Variants in ATRX observed in about 807,000 individuals in gnomAD.
The protein encoded by ATRX is ATRX chromatin remodeler.
A neutral mutation model predicts 172.6 loss-of-function variants in ATRX; 12 were observed. The ratio of observed to expected loss-of-function variants is 0.07; its 90% CI spans 0.04 to 0.11. The LOEUF (loss-of-function observed/expected upper bound fraction) is 0.11. Among genes scored for constraint, ATRX ranks in the 10% least tolerant of loss-of-function variants. ATRX has a pLI of 1.00. For synonymous variants in ATRX, 674 were observed against 594.7 expected (o/e 1.13, Z -1.94); for missense variants, 1,368 against 1,767.4 (o/e 0.77, Z 4.05).
intron 27 of ATRX, among the ~76,000 whole-genome samples, chrX:77,579,364 C>G (rs2148040468): frequency 8.9e-6 from 1 of 111,944 alleles, no homozygotes; most frequent in East Asian, 2.8e-4. Flanking sequence ...GGCTTAAGAT[C>G]TGACCAAGTG....
At chrX:77,649,394 G>A (rs1352832819) in intron 15 of ATRX, among the ~76,000 whole-genome samples, 4 of 111,514 alleles carry the variant, frequency 3.6e-5, no homozygotes, top group African/African-American at 1.3e-4. Context: ...AGATTGGAAT[G>A]GAATTAGCAA....
intron 1 of ATRX, among the ~76,000 whole-genome samples, chrX:77,782,457 A>G (rs1481458008): frequency 8.9e-6 from 1 of 112,585 alleles, no homozygotes; most frequent in Non-Finnish European, 1.9e-5. Context: ...TTTATATGCA[A>G]ATAAATTAAG....
intron 2 of ATRX, among the ~76,000 whole-genome samples, chrX:77,712,320 G>T (rs2073151167): frequency 8.9e-6 from 1 of 112,184 alleles, no homozygotes; most frequent in East Asian, 2.8e-4. Context: ...ATTGGTATTT[G>T]TGAGTGACAT....
chrX:77,671,293 TA>T (rs782547152), intron 10 of ATRX, among the ~76,000 whole-genome samples: 4 of 102,679 alleles, frequency 3.9e-5, no homozygotes, highest in South Asian at 8.9e-4. Context: ...TGGTTTGAAA[TA>T]TTTTTTTTTA....
chrX:77,622,128 G>A (rs905888750), intron 19 of ATRX, among the ~76,000 whole-genome samples: 3 of 111,673 alleles, frequency 2.7e-5, no homozygotes, highest in East Asian at 2.8e-4. Flanking sequence ...TGCAAAATGT[G>A]TAAACCCTTT....
intron 9 of ATRX, among the ~76,000 whole-genome samples, chrX:77,677,097 G>A (rs1557134007): frequency 9.3e-6 from 1 of 107,409 alleles, no homozygotes; most frequent in Non-Finnish European, 1.9e-5. Flanking sequence ...ACTCCAGCCT[G>A]GGTAACAACT....
chrX:77,526,801 T>G (rs1330796638), intron 30 of ATRX, among the ~76,000 whole-genome samples: 2 of 112,045 alleles, frequency 1.8e-5, no homozygotes, highest in Non-Finnish European at 3.8e-5. Flanking sequence ...ACGCCATTTC[T>G]AAACCCCTTT....
chrX:77,545,121 C>G (rs1018736172), intron 30 of ATRX, among the ~76,000 whole-genome samples: 2 of 112,514 alleles, frequency 1.8e-5, no homozygotes, highest in Non-Finnish European at 3.7e-5. Flanking sequence ...ACTTAGCCAT[C>G]TGTAGATTTG....
chrX:77,737,185 G>T (rs1421715391), intron 1 of ATRX, among the ~76,000 whole-genome samples: 2 of 110,698 alleles, frequency 1.8e-5, no homozygotes, highest in Non-Finnish European at 3.8e-5. Context: ...AGCACTTTAG[G>T]AGGCCGCGGC....
intron 1 of ATRX, among the ~76,000 whole-genome samples, chrX:77,722,656 G>A (rs1012102843): frequency 1.8e-5 from 2 of 111,652 alleles, no homozygotes; most frequent in South Asian, 3.7e-4. Context: ...ACCTCACGCC[G>A]GTTAGAATGG....
At chrX:77,669,616 G>A (rs186637763) in intron 10 of ATRX, among the ~76,000 whole-genome samples, 39 of 110,271 alleles carry the variant, frequency 3.5e-4, no homozygotes, top group South Asian at 1.5e-3. Context: ...GAGCCACCGC[G>A]CTGACCCCCA....
intron 1 of ATRX, among the ~76,000 whole-genome samples, chrX:77,766,661 A>G (rs1433920218): frequency 2.2e-5 from 2 of 91,555 alleles, no homozygotes; most frequent in East Asian, 3.8e-4. Context: ...CCTAGATGGG[A>G]TGGCGGCCGG....
intron 30 of ATRX, 126 bp from the exon 31 acceptor site, chrX:77,523,527 A>G: frequency 1.5e-6 from 1 of 669,798 alleles, no homozygotes; most frequent in Non-Finnish European, 2.2e-6. Flanking sequence ...TCTGATATAT[A>G]TGACAGATTA....
Position 77,627,090 on chromosome X carries a change from A to G in ATRX, c.5134+6117T>C, listed in dbSNP as rs376369730. On this transcript the variant is annotated intron_variant, in intron 19 of 34. Transcript: ENST00000373344. ...AAAATACAAGAAAAAAAAATTAGCCAGGCGTGGTGGCAGGCGCCTGTAGTC... is the reference window on the plus strand; with the variant it reads ...AAAATACAAGAAAAAAAAATTAGCCGGGCGTGGTGGCAGGCGCCTGTAGTC... Among the ~76,000 whole-genome samples, 8 of 111,422 alleles carry G rather than the reference A, an allele frequency of 7.2e-5. No homozygotes were observed. In the South Asian group the frequency reaches 3.0e-3, roughly 42 times the overall value.
In ATRX at chrX:77,764,986, G is replaced by T. The variant is rs782698288; in HGVS notation, c.20+20996C>A. ...AGGTCAAGAGTTCAAGACCAGCCTC[G>T]CCGACATGGTGAAACCCTGCCTCTA... On this transcript the variant is annotated intron_variant, in intron 1 of 34. Transcript: ENST00000373344. Among the ~76,000 whole-genome samples, 6 of 111,230 alleles carry T rather than the reference G, an allele frequency of 5.4e-5. No homozygotes were observed. The East Asian group carries it at 1.7e-3, about 31-fold the overall frequency.
chrX:77,688,686 C>G (rs1439497280), intron 7 of ATRX, 132 bp downstream of exon 7: 1 of 527,829 alleles, frequency 1.9e-6, no homozygotes, highest in Non-Finnish European at 3.3e-6. Context: ...CGTCTATTTT[C>G]CCCACTATAG....
chrX:77,678,195 C>A (rs1482592011), intron 9 of ATRX, among the ~76,000 whole-genome samples: 3 of 102,651 alleles, frequency 2.9e-5, no homozygotes, highest in Non-Finnish European at 6.0e-5. Context: ...GCACTCCAGC[C>A]TGGGTGGCAG....
At chrX:77,519,140 A>T (rs781975162) in intron 34 of ATRX, among the ~76,000 whole-genome samples, 1 of 111,924 alleles carries the variant, frequency 8.9e-6, no homozygotes, top group South Asian at 3.7e-4. Context: ...CAAATAAAAA[A>T]TGGACAAACA....
chrX:77,541,844 A>T (rs981120323), intron 30 of ATRX, among the ~76,000 whole-genome samples: 7 of 111,722 alleles, frequency 6.3e-5, no homozygotes, highest in Admixed American at 9.5e-5. Flanking sequence ...ATTTATGACA[A>T]ACCCACAGCC....
Sources: gnomAD v4.1 joint callset for allele counts (sites outside exome capture counted in the v4.1 genomes callset) on GRCh38, gnomAD v4.1.1 for gene constraint, MANE v1.5 for transcripts, NCBI Gene and HGNC (gene_info 2026-07-23, HGNC 2026-07-21) for gene names.